The following ACVR1 variants were observed in gnomAD, a reference collection of about 807,000 sequenced individuals.
The protein encoded by ACVR1 is activin receptor type-1.
A neutral mutation model predicts 57.1 loss-of-function variants in ACVR1; 38 were observed. That is an observed-to-expected ratio of 0.67 (90% confidence interval 0.51 to 0.87). ACVR1 has a LOEUF of 0.87. Among genes scored for constraint, ACVR1 ranks in the 40% least tolerant of loss-of-function variants. The pLI, the probability that ACVR1 is intolerant of heterozygous loss-of-function variation, is 0.00. For missense variants in ACVR1, 463 were observed against 638.2 expected (o/e 0.73, Z 2.96); for synonymous variants, 212 against 228.1 (o/e 0.93, Z 0.63).
chr2:157,828,133 G>A (rs1688453647), intron 1 of ACVR1, among the ~76,000 whole-genome samples: 1 of 151,924 alleles, frequency 6.6e-6, no homozygotes, highest in African/African-American at 2.4e-5. Context: ...TGGGCAACAT[G>A]GCAAAACCTC....
intron 1 of ACVR1, among the ~76,000 whole-genome samples, chr2:157,827,563 A>G (rs997982532): frequency 6.6e-6 from 1 of 152,232 alleles, no homozygotes; most frequent in Non-Finnish European, 1.5e-5. Flanking sequence ...TCTCTTACTT[A>G]TCTCTGATTG....
intron 3 of ACVR1, among the ~76,000 whole-genome samples, chr2:157,792,429 C>G (rs1229536835): frequency 1.3e-5 from 2 of 152,148 alleles, no homozygotes; most frequent in Non-Finnish European, 2.9e-5. Flanking sequence ...CCTCTTCCTC[C>G]CAAATCACTG....
chr2:157,797,425 A>T (rs945121956), intron 3 of ACVR1, among the ~76,000 whole-genome samples: 17 of 152,348 alleles, frequency 1.1e-4, no homozygotes, highest in Non-Finnish European at 2.5e-4. Flanking sequence ...CCATCTGATC[A>T]TAAAGAGGTT....
intron 5 of ACVR1, among the ~76,000 whole-genome samples, 190 bp downstream of exon 5, chr2:157,777,941 T>C (rs1686353520): frequency 6.6e-6 from 1 of 152,192 alleles, no homozygotes; most frequent in African/African-American, 2.4e-5. Context: ...AATGTCTATC[T>C]AAAATGGCTG....
chr2:157,847,551 T>C (rs1272223400), intron 1 of ACVR1, among the ~76,000 whole-genome samples: 1 of 152,232 alleles, frequency 6.6e-6, no homozygotes, highest in Non-Finnish European at 1.5e-5. Context: ...CACTGTTAAG[T>C]CCCAACCCAT....
rs1371251735 is a variant in ACVR1 at position 157,868,667 on chromosome 2, A to G, written c.-183+7129T>C. On this transcript the variant is annotated intron_variant, in intron 1 of 10. Coordinates refer to ENST00000434821, the MANE Select transcript of ACVR1 (RefSeq NM_001111067.4). ...GGTACCTCTTTCAGAGGCCAGCCAA[A>G]CAGCCACCTCCTTAAAGGTGTTGGT... Among the ~76,000 whole-genome samples, 11 of 152,302 alleles carry G rather than the reference A, an allele frequency of 7.2e-5. No individual in the cohort carries two copies. In the East Asian group the frequency reaches 2.1e-3, roughly 29 times the overall value.
intron 1 of ACVR1, among the ~76,000 whole-genome samples, chr2:157,840,017 G>T (rs2883605): frequency 0.064 from 9,702 of 152,230 alleles, 426 homozygotes; most frequent in Non-Finnish European, 0.1. Flanking sequence ...GGATTCCAGG[G>T]TGTGACGTGA....
intron 2 of ACVR1, among the ~76,000 whole-genome samples, chr2:157,809,509 C>T (rs964438282): frequency 6.6e-6 from 1 of 151,950 alleles, no homozygotes; most frequent in Non-Finnish European, 1.5e-5. Flanking sequence ...GTAACCACAA[C>T]AGAAAACAAG....
At chr2:157,860,012 AC>A in intron 1 of ACVR1, 1 of 151,958 alleles carries the variant, frequency 6.6e-6, no homozygotes, top group South Asian at 2.1e-4. Context: ...TCTACCCCAT[AC>A]CCCAAGGGCC....
rs374625937 is a variant in ACVR1, at chr2:157,868,745, A to G, written c.-183+7051T>C. Among the ~76,000 whole-genome samples the G allele has an allele frequency of 3.7e-4, 56 of 152,354 alleles. No individual in the cohort carries two copies. In the South Asian group the frequency reaches 9.3e-3, roughly 25 times the overall value. On this transcript the variant is annotated intron_variant, in intron 1 of 10. Coordinates refer to ENST00000434821, the MANE Select transcript of ACVR1 (RefSeq NM_001111067.4). ...ATTCAGAGTTCTGCCACTAATAGTT[A>G]CATGTATAATTATTCACTCCCTTAC... is the stretch of plus-strand genomic sequence containing the variant.
chr2:157,824,698 C>G (rs538438122), intron 1 of ACVR1, among the ~76,000 whole-genome samples: 6 of 152,058 alleles, frequency 3.9e-5, no homozygotes, highest in African/African-American at 1.4e-4. Context: ...TCAGATTCCA[C>G]AAAAGACAGA....
chr2:157,764,903 T>G (rs780697781), intron 8 of ACVR1, among the ~76,000 whole-genome samples: 1 of 152,166 alleles, frequency 6.6e-6, no homozygotes, highest in Non-Finnish European at 1.5e-5. Context: ...TTAAAGGGAT[T>G]CAAAGGAAAT....
chr2:157,843,315 CTTG>C (rs1689032459), intron 1 of ACVR1, among the ~76,000 whole-genome samples: 1 of 152,194 alleles, frequency 6.6e-6, no homozygotes, highest in Non-Finnish European at 1.5e-5. Context: ...CTGTGGGTGA[CTTG>C]GAAACATTCC....
Position 157,826,685 on chromosome 2 carries a change from GAA to G in ACVR1, c.-182-8128_-182-8127del, listed in dbSNP as rs1477471014. ...AAAAAAAGAAACAAAAGAAAAGAAAGAAAAAGAGAGAGAAGGAAAGGAAAGGA... is the reference window on the plus strand; with the variant it reads ...AAAAAAAGAAACAAAAGAAAAGAAAGAAAGAGAGAGAAGGAAAGGAAAGGA... On this transcript the variant is annotated intron_variant, in intron 1 of 10. Coordinates refer to ENST00000434821, the MANE Select transcript of ACVR1 (RefSeq NM_001111067.4). 42 of 80,550 alleles carry G rather than the reference GAA, an allele frequency of 5.2e-4. 1 individual carries two copies. The highest frequency in any genetic ancestry group is 1.7e-3 in the African/African-American group (40 of 23,846). 5.0% of individuals were successfully genotyped at this position (80,550 alleles called of 1,614,324 possible).
At position 157,763,261 on chromosome 2, in the gene ACVR1, G is replaced by A. The variant is rs1171099584; in HGVS notation, c.1067-2184C>T. 2.0e-5 allele frequency among the ~76,000 whole-genome samples: 3 copies of A among 152,184 alleles called. No individual in the cohort carries two copies. In the East Asian group the frequency reaches 5.8e-4, roughly 29 times the overall value. ...GGGATGAATTTTGAAGTATTGAGGG[G>A]TAAAGTGTTGTGATGCCTGTAACAC... On this transcript the variant is annotated intron_variant, in intron 8 of 10. Coordinates refer to ENST00000434821, the MANE Select transcript of ACVR1 (RefSeq NM_001111067.4).
chr2:157,835,495 C>T (rs1477103375), intron 1 of ACVR1, among the ~76,000 whole-genome samples: 1 of 152,134 alleles, frequency 6.6e-6, no homozygotes, highest in Non-Finnish European at 1.5e-5. Context: ...TCATTTCTTT[C>T]CTTAACACTT....
At chr2:157,791,278 AGAACAT>A (rs1310774315) in intron 3 of ACVR1, among the ~76,000 whole-genome samples, 3 of 152,248 alleles carry the variant, frequency 2.0e-5, no homozygotes, top group Non-Finnish European at 4.4e-5. Context: ...ATTGACTAAA[AGAACAT>A]AAGTTTGTCT....
At chr2:157,863,654 G>A (rs762530667) in intron 1 of ACVR1, among the ~76,000 whole-genome samples, 37 of 151,078 alleles carry the variant, frequency 2.4e-4, no homozygotes, top group Non-Finnish European at 4.6e-4. Context: ...CCGAGATCAC[G>A]CCACTGCACT....
intron 1 of ACVR1, among the ~76,000 whole-genome samples, chr2:157,842,026 CAAAA>C (rs34227882): frequency 7.0e-5 from 7 of 99,584 alleles, no homozygotes; most frequent in Admixed American, 6.9e-4. Context: ...GACTCCATCT[CAAAA>C]AAAAAAAAAA....
Sources: gnomAD v4.1 joint callset for allele counts (sites outside exome capture counted in the v4.1 genomes callset) on GRCh38, gnomAD v4.1.1 for gene constraint, MANE v1.5 for transcripts, NCBI Gene and HGNC (gene_info 2026-07-23, HGNC 2026-07-21) for gene names.